HS6ST2: variants seen among roughly 807,000 people sequenced by gnomAD.
HS6ST2 encodes heparan sulfate 6-O-sulfotransferase 2, also known as heparan-sulfate 6-O-sulfotransferase 2.
A neutral mutation model predicts 33.0 loss-of-function variants in HS6ST2; 17 were observed. The observed-to-expected ratio is 0.52, with a 90% confidence interval of 0.35 to 0.77. The LOEUF (loss-of-function observed/expected upper bound fraction) is 0.77. Ranked by LOEUF, HS6ST2 falls within the 30% of genes least tolerant of loss-of-function variation. The pLI is 0.01. For missense variants in HS6ST2, 519 were observed against 551.7 expected (o/e 0.94, Z 0.59); for synonymous variants, 248 against 237.1 (o/e 1.05, Z -0.42).
intron 3 of HS6ST2, among the ~76,000 whole-genome samples, chrX:132,674,861 G>A (rs1051385455): frequency 8.1e-5 from 9 of 111,657 alleles, no homozygotes; most frequent in African/African-American, 2.6e-4. Flanking sequence ...AGAAACCATA[G>A]TTATGGAATT....
At chrX:132,812,582 T>TG (rs1450274506) in intron 2 of HS6ST2, among the ~76,000 whole-genome samples, 15 of 80,069 alleles carry the variant, frequency 1.9e-4, no homozygotes, top group African/African-American at 3.6e-4. Flanking sequence ...CTTTTTTTTT[T>TG]TGGGGGGGGG....
intron 2 of HS6ST2, among the ~76,000 whole-genome samples, chrX:132,853,647 A>G (rs952727236): frequency 2.7e-5 from 3 of 111,250 alleles, no homozygotes; most frequent in African/African-American, 9.8e-5. Flanking sequence ...TATGATTGTA[A>G]GTGAATCAGG....
intron 2 of HS6ST2, among the ~76,000 whole-genome samples, chrX:132,850,330 T>G (rs1026629595): frequency 1.8e-5 from 2 of 111,709 alleles, no homozygotes; most frequent in Non-Finnish European, 3.8e-5. Context: ...TGGCCTAGAA[T>G]TGGTCTCTGG....
intron 2 of HS6ST2, among the ~76,000 whole-genome samples, chrX:132,837,195 T>C (rs1358259248): frequency 8.9e-6 from 1 of 112,173 alleles, no homozygotes; most frequent in Non-Finnish European, 1.9e-5. Flanking sequence ...AGATCAACAC[T>C]AACTCTCTTT....
chrX:132,956,708 C>T, intron 2 of HS6ST2, 100 bp downstream of exon 2: 1 of 982,728 alleles, frequency 1.0e-6, no homozygotes, highest in Non-Finnish European at 1.3e-6. Flanking sequence ...AACGCCCGGG[C>T]GTCAGGGTGC....
At chrX:132,943,113 T>C (rs941373535) in intron 2 of HS6ST2, among the ~76,000 whole-genome samples, 1 of 111,933 alleles carries the variant, frequency 8.9e-6, no homozygotes, top group Non-Finnish European at 1.9e-5. Flanking sequence ...CTTGAAAGAG[T>C]GACTTTTATT....
At chrX:132,943,223 A>T (rs1201843193) in intron 2 of HS6ST2, among the ~76,000 whole-genome samples, 2 of 111,678 alleles carry the variant, frequency 1.8e-5, no homozygotes, top group African/African-American at 3.3e-5. Context: ...GCTTGTATAG[A>T]CTTAGCCACA....
intron 2 of HS6ST2, among the ~76,000 whole-genome samples, chrX:132,799,322 A>C (rs771833464): frequency 1.8e-5 from 2 of 109,828 alleles, no homozygotes; most frequent in Non-Finnish European, 3.8e-5. Flanking sequence ...ATTTCATCCA[A>C]GACATTTTTA....
At chrX:132,683,589 G>A (rs1222508779) in intron 3 of HS6ST2, among the ~76,000 whole-genome samples, 1 of 111,869 alleles carries the variant, frequency 8.9e-6, no homozygotes, top group Non-Finnish European at 1.9e-5. Context: ...TATACAACCA[G>A]CTCCAGAGAT....
intron 2 of HS6ST2, among the ~76,000 whole-genome samples, chrX:132,920,863 CT>C (rs947176829): frequency 1.8e-5 from 2 of 112,270 alleles, no homozygotes; most frequent in African/African-American, 6.5e-5. Flanking sequence ...CTCTTCAGTC[CT>C]CACATTGTTT....
Position 132,767,189 on chromosome X carries a change from C to T in HS6ST2, c.948-58695G>A, listed in dbSNP as rs769553260. On this transcript the variant is annotated intron_variant, in intron 2 of 4. Coordinates refer to ENST00000370833, the MANE Select transcript of HS6ST2 (RefSeq NM_001394073.1). ...GAGACCTTCCATCCTCAAGGGGCAA[C>T]GCCACCGCTGCTGTCAATCCTGCTA... Among the ~76,000 whole-genome samples the T allele has an allele frequency of 1.9e-3, 219 of 112,461 alleles. 1 individual carries two copies. The highest frequency in any genetic ancestry group is 6.5e-3 in the African/African-American group (202 of 31,071).
chrX:132,641,407 A>G (rs2063600597), intron 4 of HS6ST2, among the ~76,000 whole-genome samples: 1 of 112,607 alleles, frequency 8.9e-6, no homozygotes, highest in Non-Finnish European at 1.9e-5. Context: ...TCGACCTCCC[A>G]AAGTGTTGGG....
At chrX:132,773,666 T>C (rs1485986540) in intron 2 of HS6ST2, among the ~76,000 whole-genome samples, 3 of 112,367 alleles carry the variant, frequency 2.7e-5, no homozygotes, top group South Asian at 3.7e-4. Flanking sequence ...GAAGCTCTGA[T>C]AGTGCTAGAG....
At chrX:132,796,450 C>A (rs1449147576) in intron 2 of HS6ST2, among the ~76,000 whole-genome samples, 2 of 112,535 alleles carry the variant, frequency 1.8e-5, no homozygotes, top group African/African-American at 6.5e-5. Flanking sequence ...AAGAGAATGA[C>A]TGTGCTCTGA....
intron 2 of HS6ST2, among the ~76,000 whole-genome samples, chrX:132,829,177 C>CATATATATAT (rs71855456): frequency 6.3e-5 from 4 of 63,675 alleles, no homozygotes; most frequent in African/African-American, 2.8e-4. Flanking sequence ...AGGTAAGGAA[C>CATATATATAT]ATATATATAT....
chrX:132,709,270 T>C (rs760798187), intron 2 of HS6ST2, among the ~76,000 whole-genome samples: 1 of 112,468 alleles, frequency 8.9e-6, no homozygotes, highest in Admixed American at 9.4e-5. Flanking sequence ...GCCTTTTGTT[T>C]TTTATTATGC....
intron 2 of HS6ST2, among the ~76,000 whole-genome samples, chrX:132,891,979 T>G (rs986860565): frequency 8.9e-6 from 1 of 111,841 alleles, no homozygotes; most frequent in African/African-American, 3.3e-5. Context: ...CCACAATGGT[T>G]GAACTAGTTT....
chrX:132,733,819 C>T (rs151303345), intron 2 of HS6ST2, among the ~76,000 whole-genome samples: 1,349 of 109,748 alleles, frequency 0.012, 25 homozygotes, highest in African/African-American at 0.043. Flanking sequence ...ATTCTAACAA[C>T]CATTCCTTTA....
intron 2 of HS6ST2, among the ~76,000 whole-genome samples, chrX:132,711,539 T>C (rs920710247): frequency 6.3e-5 from 7 of 111,414 alleles, no homozygotes; most frequent in African/African-American, 2.3e-4. Flanking sequence ...GTTTCTAAAA[T>C]TCCCCCAGTT....
Sources: allele counts gnomAD v4.1 joint callset (sites outside exome capture counted in the v4.1 genomes callset), GRCh38; gene constraint gnomAD v4.1.1; transcripts MANE v1.5; gene names NCBI Gene and HGNC (gene_info 2026-07-23, HGNC 2026-07-21).